LARGE1: variants seen among roughly 807,000 people sequenced by gnomAD.
The protein encoded by LARGE1 is xylosyl- and glucuronyltransferase LARGE1.
A neutral mutation model predicts 87.6 loss-of-function variants in LARGE1; 43 were observed. That is an observed-to-expected ratio of 0.49 (90% CI 0.38 to 0.63). The LOEUF is 0.63. LARGE1 is among the 30% of genes least tolerant of loss of function. LARGE1 has a pLI of 0.00. For missense variants in LARGE1, 802 were observed against 1,000.2 expected (o/e 0.80, Z 2.67); for synonymous variants, 434 against 394.6 (o/e 1.10, Z -1.18).
chr22:33,525,473 G>C (rs2148533490), intron 6 of LARGE1, among the ~76,000 whole-genome samples: 1 of 152,304 alleles, frequency 6.6e-6, no homozygotes, highest in East Asian at 1.9e-4. Context: ...CCTGTCTTCT[G>C]TTGCATGTCA....
chr22:33,189,109 A>T (rs1022979861), intron 11 of LARGE1, among the ~76,000 whole-genome samples: 3 of 152,182 alleles, frequency 2.0e-5, no homozygotes, highest in African/African-American at 7.2e-5. Context: ...GTTTAAGAGC[A>T]TCTGAGATCC....
intron 1 of LARGE1, among the ~76,000 whole-genome samples, chr22:33,838,766 G>C (rs2063183665): frequency 6.6e-6 from 1 of 152,204 alleles, no homozygotes; most frequent in Non-Finnish European, 1.5e-5. Flanking sequence ...TTCCTGAGAT[G>C]ATGTTCATCT....
At chr22:33,124,356 AGAAG>A in the LARGE1 span, among the ~76,000 whole-genome samples, 11,708 of 69,246 alleles carry the variant, frequency 0.17, 1,110 homozygotes, top group South Asian at 0.43. Flanking sequence ...AAGAAAGGAA[AGAAG>A]GAAGGAAGGA....
Position 33,401,950 on chromosome 22 carries a change from T to C in LARGE1, c.893-17646A>G, listed in dbSNP as rs78873827. Among the ~76,000 whole-genome samples, 376 of 152,342 alleles carry C rather than the reference T, an allele frequency of 2.5e-3. 3 individuals carry two copies. Among genetic ancestry groups the C allele is most frequent in the African/African-American group, 8.4e-3 (349 of 41,578 alleles). On this transcript the variant is annotated intron_variant, in intron 7 of 14. Transcript: ENST00000397394. ...CCCTGGGTGCCCCAGCATCCCTTGC[T>C]GATGCCTTCAATCCTGCCCATTCAC...
At chr22:33,177,599 T>G (rs1345876890) in intron 11 of LARGE1, among the ~76,000 whole-genome samples, 1 of 152,060 alleles carries the variant, frequency 6.6e-6, no homozygotes, top group East Asian at 1.9e-4. Context: ...TTCCCATATC[T>G]TAGAGGATAA....
At chr22:33,618,342 G>A (rs2079640919) in intron 4 of LARGE1, among the ~76,000 whole-genome samples, 1 of 152,220 alleles carries the variant, frequency 6.6e-6, no homozygotes, top group Admixed American at 6.5e-5. Flanking sequence ...GATTGTAGGG[G>A]CTGGCAGAGT....
At position 33,761,941 on chromosome 22, in the gene LARGE1, G is replaced by A. The variant is rs531238869; in HGVS notation, c.-82-383C>T. On this transcript the variant is annotated intron_variant, in intron 1 of 14. Transcript: ENST00000397394. ...TCAAAAGAAGACTAGAATAGGCTGG[G>A]CGCAGTGGCTCACGCCTGTAATCTC... Among the ~76,000 whole-genome samples, 9 of 152,258 alleles carry A rather than the reference G, an allele frequency of 5.9e-5. No individual in the cohort carries two copies. In the South Asian group the frequency reaches 1.7e-3, roughly 28 times the overall value.
chr22:33,910,569 C>A (rs1045065433), intron 1 of LARGE1, among the ~76,000 whole-genome samples: 18 of 152,192 alleles, frequency 1.2e-4, no homozygotes, highest in African/African-American at 3.6e-4. Context: ...TCCTCCCTCA[C>A]CAAGACGAGG....
intron 5 of LARGE1, among the ~76,000 whole-genome samples, chr22:33,567,735 G>A (rs1049514906): frequency 2.0e-5 from 3 of 152,088 alleles, no homozygotes; most frequent in Non-Finnish European, 2.9e-5. Context: ...TATCCAGCAG[G>A]CAATTTCTCA....
At chr22:33,464,601 A>G (rs2068512961) in intron 6 of LARGE1, among the ~76,000 whole-genome samples, 2 of 152,234 alleles carry the variant, frequency 1.3e-5, no homozygotes, top group South Asian at 4.1e-4. Context: ...CAGCCAATGC[A>G]CATACCTAAT....
intron 1 of LARGE1, among the ~76,000 whole-genome samples, chr22:33,872,398 T>C (rs1020977431): frequency 5.2e-5 from 7 of 133,854 alleles, no homozygotes; most frequent in African/African-American, 8.5e-5. Context: ...ATTATTATTA[T>C]TACTAGCACG....
intron 1 of LARGE1, among the ~76,000 whole-genome samples, chr22:33,822,303 T>G (rs1025516184): frequency 6.6e-6 from 1 of 152,170 alleles, no homozygotes; most frequent in Non-Finnish European, 1.5e-5. Context: ...GATTGTCACT[T>G]CTTGCTCAGG....
At chr22:33,455,460 C>T (rs2068093524) in intron 6 of LARGE1, among the ~76,000 whole-genome samples, 1 of 152,008 alleles carries the variant, frequency 6.6e-6, no homozygotes, top group Non-Finnish European at 1.5e-5. Flanking sequence ...AAGATTAGAC[C>T]ATGGTGAGCT....
chr22:33,283,169 C>T, intron 13 of LARGE1, 33 bp downstream of exon 13: 3 of 1,613,510 alleles, frequency 1.9e-6, no homozygotes, highest in Non-Finnish European at 2.5e-6. Context: ...GGCCTTCGAG[C>T]ACCCCCAGAG....
At chr22:33,591,468 G>A (rs2078836124) in intron 5 of LARGE1, among the ~76,000 whole-genome samples, 1 of 152,102 alleles carries the variant, frequency 6.6e-6, no homozygotes, top group Non-Finnish European at 1.5e-5. Context: ...TGGCTGACAT[G>A]TCTCTTAAAA....
downstream of LARGE1, among the ~76,000 whole-genome samples, chr22:33,272,484 GAAC>G (rs149577011): frequency 0.046 from 6,971 of 152,294 alleles, 212 homozygotes; most frequent in Middle Eastern, 0.082. Flanking sequence ...GCACACCACT[GAAC>G]AAATTGGACT....
chr22:33,287,393 A>G (rs971970452), intron 12 of LARGE1, among the ~76,000 whole-genome samples: 68 of 152,206 alleles, frequency 4.5e-4, no homozygotes, highest in African/African-American at 1.6e-3. Flanking sequence ...GCTTTCTGCA[A>G]ACTCCCTTTC....
At chr22:33,637,880 T>G (rs917167869) in intron 3 of LARGE1, among the ~76,000 whole-genome samples, 2 of 152,162 alleles carry the variant, frequency 1.3e-5, no homozygotes, top group African/African-American at 4.8e-5. Flanking sequence ...TTTAAGTTGT[T>G]AAGTTTTGAG....
At chr22:33,406,119 T>A (rs1387078449) in intron 7 of LARGE1, among the ~76,000 whole-genome samples, 2 of 152,202 alleles carry the variant, frequency 1.3e-5, no homozygotes, top group African/African-American at 4.8e-5. Flanking sequence ...GGGAATCTGA[T>A]GATACATTCT....
Sources: allele counts gnomAD v4.1 joint callset (sites outside exome capture counted in the v4.1 genomes callset), GRCh38; gene constraint gnomAD v4.1.1; transcripts MANE v1.5; gene names NCBI Gene and HGNC (gene_info 2026-07-23, HGNC 2026-07-21).